The following WWOX variants were observed in gnomAD, a reference collection of about 807,000 sequenced individuals.
WWOX encodes WW domain-containing oxidoreductase.
In WWOX, 69 loss-of-function variants were observed where a neutral mutation model predicts 46.2. The observed-to-expected ratio is 1.49, with a 90% CI of 1.23 to 1.82. The LOEUF is 1.82. Among genes scored for constraint, WWOX ranks in the 40% most tolerant of loss-of-function variants. The pLI is 0.00. For synonymous variants in WWOX, 359 were observed against 202.6 expected, an observed-to-expected ratio of 1.77 and a Z score of -6.56; for missense variants, 919 against 542.6, an observed-to-expected ratio of 1.69 and a Z score of -6.89.
chr16:79,098,601 C>T (rs58570674), intron 8 of WWOX, among the ~76,000 whole-genome samples: 3 of 152,094 alleles, frequency 2.0e-5, no homozygotes, highest in Non-Finnish European at 2.9e-5. Context: ...ATCACCTTAG[C>T]GTTTTCTTTT....
chr16:78,801,292 C>T (rs777232588), intron 8 of WWOX, among the ~76,000 whole-genome samples: 3 of 152,132 alleles, frequency 2.0e-5, no homozygotes, highest in Non-Finnish European at 4.4e-5. Context: ...GGTAGATCCC[C>T]TGAGGTTGGG....
chr16:78,562,108 G>C (rs1439701723), intron 8 of WWOX, among the ~76,000 whole-genome samples: 1 of 152,154 alleles, frequency 6.6e-6, no homozygotes, highest in Non-Finnish European at 1.5e-5. Flanking sequence ...TTCTCAGATA[G>C]AGTTATCCAA....
intron 8 of WWOX, among the ~76,000 whole-genome samples, chr16:78,821,340 C>T (rs1229747678): frequency 6.6e-6 from 1 of 152,100 alleles, no homozygotes; most frequent in Non-Finnish European, 1.5e-5. Flanking sequence ...AGCCAAGCGC[C>T]CCCCAGCCCC....
intron 8 of WWOX, among the ~76,000 whole-genome samples, chr16:79,175,019 T>G (rs183232599): frequency 2.0e-4 from 31 of 152,332 alleles, no homozygotes; most frequent in Non-Finnish European, 4.3e-4. Context: ...CCGTGTCTTA[T>G]TAACTTCTAA....
In WWOX at chr16:78,670,382, A is replaced by G. The variant is rs28524499; in HGVS notation, c.1056+237630A>G. On this transcript the variant is annotated intron_variant, in intron 8 of 8. Transcript: ENST00000566780. Reference sequence around the variant, plus strand: ...TGGTTCATCCCGGAAATATGCAGGAAAAGCATTATGAGCATTGCAGTGCCA... The same window carrying G: ...TGGTTCATCCCGGAAATATGCAGGAGAAGCATTATGAGCATTGCAGTGCCA... Among the ~76,000 whole-genome samples, 1,424 of 152,334 alleles carry G rather than the reference A, an allele frequency of 9.3e-3. 21 individuals carry two copies. Among genetic ancestry groups the G allele is most frequent in the African/African-American group, 0.033 (1,356 of 41,578 alleles).
chr16:78,667,813 C>G (rs539762667), intron 8 of WWOX, among the ~76,000 whole-genome samples: 1 of 152,146 alleles, frequency 6.6e-6, no homozygotes, highest in Non-Finnish European at 1.5e-5. Flanking sequence ...CAGCTTGCAT[C>G]TGTTTGCCTA....
intron 8 of WWOX, among the ~76,000 whole-genome samples, chr16:79,145,957 A>T (rs950709687): frequency 1.3e-5 from 2 of 152,208 alleles, no homozygotes; most frequent in Admixed American, 6.5e-5. Flanking sequence ...AAATGATATA[A>T]TTTTACCATA....
At chr16:79,062,984 C>T (rs887750801) in intron 8 of WWOX, among the ~76,000 whole-genome samples, 6 of 152,120 alleles carry the variant, frequency 3.9e-5, no homozygotes, top group Admixed American at 1.3e-4. Flanking sequence ...CTACAGATGC[C>T]GAGGATATTT....
chr16:78,837,358 A>C (rs1473345806), intron 8 of WWOX, among the ~76,000 whole-genome samples: 1 of 152,158 alleles, frequency 6.6e-6, no homozygotes, highest in South Asian at 2.1e-4. Flanking sequence ...TCACCCAGCA[A>C]CTTGCTTTTT....
At chr16:78,553,135 T>C (rs564585825) in intron 8 of WWOX, 2 of 151,254 alleles carry the variant, frequency 1.3e-5, no homozygotes, top group African/African-American at 4.9e-5. Context: ...AGGAGTGGGG[T>C]TGGGGGAGGG....
At chr16:78,691,012 C>G (rs2047974174) in intron 8 of WWOX, among the ~76,000 whole-genome samples, 1 of 152,182 alleles carries the variant, frequency 6.6e-6, no homozygotes, top group Non-Finnish European at 1.5e-5. Flanking sequence ...CTTTGATAAT[C>G]TCCACTAAGC....
chr16:78,410,699 G>C (rs72797956), intron 6 of WWOX, among the ~76,000 whole-genome samples: 11,061 of 151,596 alleles, frequency 0.073, 515 homozygotes, highest in South Asian at 0.18. Context: ...CCAGTTAGTT[G>C]GGGGGCTAAG....
intron 8 of WWOX, among the ~76,000 whole-genome samples, chr16:78,928,416 A>C (rs911856782): frequency 6.6e-6 from 1 of 151,838 alleles, no homozygotes; most frequent in East Asian, 1.9e-4. Flanking sequence ...GTTAGCCAGG[A>C]TGGTCTCGAT....
chr16:78,709,417 C>T (rs574049991), intron 8 of WWOX, among the ~76,000 whole-genome samples: 3 of 152,274 alleles, frequency 2.0e-5, no homozygotes, highest in East Asian at 3.9e-4. Flanking sequence ...CGGGCCCAGC[C>T]TGTTGCAAGT....
At chr16:78,169,926 A>G (rs1428791418) in intron 5 of WWOX, among the ~76,000 whole-genome samples, 1 of 152,184 alleles carries the variant, frequency 6.6e-6, no homozygotes, top group Non-Finnish European at 1.5e-5. Context: ...CCATTAGTAT[A>G]GCGAGGGGCC....
At chr16:78,222,152 C>T (rs546439715) in intron 5 of WWOX, among the ~76,000 whole-genome samples, 16 of 152,138 alleles carry the variant, frequency 1.1e-4, no homozygotes, top group African/African-American at 3.9e-4. Flanking sequence ...ATGGCATTTT[C>T]CTGCTTGATT....
chr16:78,317,715 G>A (rs2151880879), intron 5 of WWOX, among the ~76,000 whole-genome samples: 1 of 152,228 alleles, frequency 6.6e-6, no homozygotes, highest in Admixed American at 6.5e-5. Flanking sequence ...CGACTCAGCA[G>A]GTGTGCCTCC....
intron 8 of WWOX, among the ~76,000 whole-genome samples, chr16:79,153,230 A>T (rs1285422323): frequency 2.0e-5 from 3 of 152,114 alleles, no homozygotes; most frequent in African/African-American, 7.2e-5. Context: ...TTGCGAAAAG[A>T]TTCCAGCACT....
intron 8 of WWOX, among the ~76,000 whole-genome samples, chr16:79,208,682 G>A (rs1387423414): frequency 1.3e-5 from 2 of 151,602 alleles, no homozygotes; most frequent in African/African-American, 4.9e-5. Context: ...GGCAGTACCT[G>A]CTTGTTTACT....
Sources: allele counts gnomAD v4.1 joint callset (sites outside exome capture counted in the v4.1 genomes callset), GRCh38; gene constraint gnomAD v4.1.1; transcripts MANE v1.5; gene names NCBI Gene and HGNC (gene_info 2026-07-23, HGNC 2026-07-21).